Variants in NAV3 observed in about 807,000 individuals in gnomAD.
The protein encoded by NAV3 is pore membrane and/or filament interacting like protein 1.
A neutral mutation model predicts 244.7 loss-of-function variants in NAV3; 87 were observed. The ratio of observed to expected loss-of-function variants is 0.36; its 90% CI spans 0.30 to 0.42. The LOEUF (loss-of-function observed/expected upper bound fraction) is 0.42. Among genes scored for constraint, NAV3 ranks in the 20% least tolerant of loss-of-function variants. The probability of loss-of-function intolerance (pLI) is 1.00; values close to 1 mark genes in which losing one functional copy is unlikely to be tolerated. For synonymous variants in NAV3, 1,126 were observed against 1,042.2 expected, an observed-to-expected ratio of 1.08 and a Z score of -1.55; for missense variants, 2,663 against 2,893.3, an observed-to-expected ratio of 0.92 and a Z score of 1.83.
chr12:77,601,606 A>C (rs1352709409), intron 2 of NAV3, among the ~76,000 whole-genome samples: 1 of 151,982 alleles, frequency 6.6e-6, no homozygotes. Context: ...AGAAGTAAGA[A>C]GGATTTCAAA....
chr12:77,636,320 G>A (rs1297518924), intron 2 of NAV3, among the ~76,000 whole-genome samples: 1 of 151,962 alleles, frequency 6.6e-6, no homozygotes, highest in East Asian at 1.9e-4. Context: ...CAAAAAATTA[G>A]CCAGGCGTGG....
intron 1 of NAV3, among the ~76,000 whole-genome samples, chr12:77,834,564 C>T (rs1333379621): frequency 1.3e-5 from 2 of 152,220 alleles, no homozygotes; most frequent in Non-Finnish European, 2.9e-5. Context: ...ACTGTCTCTG[C>T]TGACCATGGC....
chr12:77,862,004 C>T (rs1017054014), intron 1 of NAV3, among the ~76,000 whole-genome samples: 1 of 151,762 alleles, frequency 6.6e-6, no homozygotes, highest in South Asian at 2.1e-4. Flanking sequence ...AGGTATTCCA[C>T]ACACACATGA....
intron 2 of NAV3, among the ~76,000 whole-genome samples, chr12:77,653,562 G>C (rs897165540): frequency 1.3e-5 from 2 of 152,060 alleles, no homozygotes; most frequent in African/African-American, 4.8e-5. Flanking sequence ...ATCGTGTGTT[G>C]GAAAAATTTT....
At chr12:78,104,847 C>A (rs1307436163) in intron 12 of NAV3, among the ~76,000 whole-genome samples, 1 of 152,052 alleles carries the variant, frequency 6.6e-6, no homozygotes, top group Non-Finnish European at 1.5e-5. Flanking sequence ...CCTTATGTGG[C>A]CTTTTGAATC....
intron 1 of NAV3, among the ~76,000 whole-genome samples, chr12:77,898,567 G>T (rs1018279682): frequency 6.6e-6 from 1 of 152,136 alleles, no homozygotes; most frequent in Admixed American, 6.5e-5. Context: ...CACTGTTTTA[G>T]GCAAAGTATG....
chr12:78,006,752 C>T lies in NAV3; in HGVS notation c.1214C>T (p.Ser405Leu), dbSNP rs2136569034. The change falls in exon 8 of 40, where the codon TCA becomes TTA. Residue 405 changes from serine to leucine, a missense_variant. This residue lies in a region of NAV3 where 1,521 missense variants were observed against 1,497.0 expected (regional missense o/e 1.02). Transcript: ENST00000397909. ...TTACGCCCCCCGCAGCCTCCCAGTT[C>T]AGGACCTAGTGATGGTGGGAAGGAT... ...TALRPPQPPS[S>L]GPSDGGKDDD... The T allele has an allele frequency of 1.2e-6, 2 of 1,614,180 alleles. No homozygotes were observed. The highest frequency in any genetic ancestry group is 1.7e-6 in the Non-Finnish European group (2 of 1,180,038).
chr12:78,169,824 C>G (rs1012596150), intron 24 of NAV3, among the ~76,000 whole-genome samples: 3 of 151,712 alleles, frequency 2.0e-5, no homozygotes, highest in Non-Finnish European at 4.4e-5. Flanking sequence ...ATGGAAACAG[C>G]ATTTGATGCT....
chr12:78,021,234 G>T (rs1427780055), intron 8 of NAV3, among the ~76,000 whole-genome samples: 1 of 152,034 alleles, frequency 6.6e-6, no homozygotes, highest in Non-Finnish European at 1.5e-5. Context: ...ATGAGAATTT[G>T]TTTCTGGTTG....
chr12:77,633,857 A>G (rs1322420597), intron 2 of NAV3, among the ~76,000 whole-genome samples: 1 of 152,160 alleles, frequency 6.6e-6, no homozygotes, highest in Non-Finnish European at 1.5e-5. Context: ...ATTGCATCGA[A>G]TTCATGTATT....
At chr12:77,592,759 G>A (rs1491000028) in intron 2 of NAV3, among the ~76,000 whole-genome samples, 1 of 152,176 alleles carries the variant, frequency 6.6e-6, no homozygotes, top group Non-Finnish European at 1.5e-5. Context: ...TCTTCTGGCA[G>A]TCGATTACCC....
rs1274798370 is a variant in NAV3 at position 78,128,813 on chromosome 12, C to T, written c.4388C>T (p.Ser1463Phe). The change falls in exon 18 of 40, where the codon TCC becomes TTC. Residue 1463 changes from serine to phenylalanine, a missense_variant. Ser to Phe is a radical substitution (Grantham distance 155). Coordinates refer to ENST00000397909, the MANE Select transcript of NAV3 (RefSeq NM_001024383.2). ...QDTGNQSPLV[S>F]PSAMSSSAAG... The stretch of plus-strand genomic sequence containing the variant: ...ACTGGCAACCAGTCACCTCTGGTTT[C>T]CCCTTCTGCCATGTCATCTTCTGCA... The T allele has an allele frequency of 6.2e-7, 1 of 1,614,066 alleles. No homozygotes were observed. The highest frequency in any genetic ancestry group is 8.5e-7 in the Non-Finnish European group (1 of 1,179,982).
chr12:77,966,445 T>C (rs2137949589), intron 4 of NAV3, 144 bp downstream of exon 4: 1 of 662,190 alleles, frequency 1.5e-6, no homozygotes, highest in Non-Finnish European at 2.6e-6. Context: ...AACCGAAACA[T>C]AAACATAATG....
chr12:77,776,100 A>C (rs1870341373), intron 2 of NAV3, among the ~76,000 whole-genome samples: 1 of 152,222 alleles, frequency 6.6e-6, no homozygotes, highest in Non-Finnish European at 1.5e-5. Context: ...CATTCATAGA[A>C]GCCCAATTAA....
rs1377387808 is a variant in NAV3 at position 78,137,119 on chromosome 12, C to A, written c.4442-58C>A. ...GATCATGTTCTTACTTTCTATCAAC[C>A]TGCTATTTTCATCTTTCAAGCTTAA... On this transcript the variant is annotated intron_variant, in intron 18 of 39. Coordinates refer to ENST00000397909, the MANE Select transcript of NAV3 (RefSeq NM_001024383.2). 6 of 1,468,228 alleles carry A rather than the reference C, an allele frequency of 4.1e-6. No homozygotes were observed. The African/African-American group carries it at 4.3e-5, about 10-fold the overall frequency. 91.0% of individuals were successfully genotyped at this position (1,468,228 alleles called of 1,614,324 possible). A position where few individuals can be genotyped will look rare whatever the true frequency, so the allele number is the denominator to read the frequency against.
At chr12:77,873,702 T>TATATAC in intron 1 of NAV3, among the ~76,000 whole-genome samples, 1 of 124,766 alleles carries the variant, frequency 8.0e-6, no homozygotes, top group Admixed American at 8.0e-5. Flanking sequence ...TATATATATA[T>TATATAC]ATATATACAT....
intron 2 of NAV3, among the ~76,000 whole-genome samples, chr12:77,684,171 C>T (rs184416698): frequency 6.6e-6 from 1 of 152,142 alleles, no homozygotes; most frequent in Non-Finnish European, 1.5e-5. Flanking sequence ...ATTTAATCTG[C>T]ATTTTCCTGA....
chr12:77,814,024 G>T (rs1872421720), intron 2 of NAV3, among the ~76,000 whole-genome samples: 1 of 152,158 alleles, frequency 6.6e-6, no homozygotes, highest in Non-Finnish European at 1.5e-5. Flanking sequence ...TAGAAAAGCA[G>T]ATCCTCAGGC....
At chr12:77,780,712 G>A (rs1870622748) in intron 2 of NAV3, among the ~76,000 whole-genome samples, 1 of 152,146 alleles carries the variant, frequency 6.6e-6, no homozygotes, top group Non-Finnish European at 1.5e-5. Flanking sequence ...ATGGTTCCCA[G>A]GCCCTTCACA....
Sources: allele counts gnomAD v4.1 joint callset (sites outside exome capture counted in the v4.1 genomes callset), GRCh38; gene constraint gnomAD v4.1.1; regional missense constraint gnomAD v4.1.1; transcripts MANE v1.5; gene names NCBI Gene and HGNC (gene_info 2026-07-23, HGNC 2026-07-21).